The following ATP9B variants were observed in gnomAD, a reference collection of about 807,000 sequenced individuals.
ATP9B encodes ATPase phospholipid transporting 9B.
In ATP9B, 110 loss-of-function variants were observed where a neutral mutation model predicts 146.1. That is an observed-to-expected ratio of 0.75 (90% CI 0.65 to 0.88). ATP9B has a LOEUF of 0.88. Among genes scored for constraint, ATP9B ranks in the 40% least tolerant of loss-of-function variants. The pLI is 0.00. For synonymous variants in ATP9B, 604 were observed against 569.7 expected (o/e 1.06, Z -0.86); for missense variants, 1,499 against 1,496.4 (o/e 1.00, Z -0.03).
chr18:79,363,404 G>A (rs1280830753), intron 26 of ATP9B: 1 of 152,198 alleles, frequency 6.6e-6, no homozygotes, highest in Non-Finnish European at 1.5e-5. Flanking sequence ...AGATGTTCCT[G>A]GAATGGGAGG....
In ATP9B at chr18:79,342,366, G is replaced by GGTAA. The variant is rs1183370336; in HGVS notation, c.2382+4_2382+7dup. Reference sequence around the variant, plus strand: ...CACAAGATATTCATATTTTCAGACAGGTAAGTATGTATCTTAATCACTTTG... The same window carrying GGTAA: ...CACAAGATATTCATATTTTCAGACAGGTAAGTAAGTATGTATCTTAATCACTTTG... On this transcript the variant is annotated frameshift_variant and splice_region_variant. Coordinates refer to ENST00000426216, the MANE Select transcript of ATP9B (RefSeq NM_198531.5). LOFTEE classifies it high-confidence loss of function. The GGTAA allele has an allele frequency of 6.2e-7, 1 of 1,602,494 alleles. No homozygotes were observed. The highest frequency in any genetic ancestry group is 1.3e-5 in the African/African-American group (1 of 74,676).
intron 9 of ATP9B, among the ~76,000 whole-genome samples, chr18:79,200,828 G>T (rs1253515252): frequency 4.5e-4 from 3 of 6,708 alleles, no homozygotes; most frequent in African/African-American, 2.1e-3. Context: ...TGGGGCCCTG[G>T]ATTTCCAGGC....
rs1388925031 is a variant in ATP9B at position 79,239,550 on chromosome 18, A to G, written c.1108-13831A>G. On this transcript the variant is annotated intron_variant, in intron 11 of 29. Coordinates refer to ENST00000426216, the MANE Select transcript of ATP9B (RefSeq NM_198531.5). The surrounding 1 kb of genome is among the most constrained non-coding windows in gnomAD (Gnocchi z 5.1). ...TGTCTTCAGAGGATGATTTCCTTCA[A>G]CCTGGAGTCATTGTGCCGCCATTGT... Among the ~76,000 whole-genome samples, 5 of 152,102 alleles carry G rather than the reference A, an allele frequency of 3.3e-5. No individual in the cohort carries two copies. Among genetic ancestry groups the G allele is most frequent in the Admixed American group, 6.5e-5 (1 of 15,276 alleles).
intron 7 of ATP9B, among the ~76,000 whole-genome samples, chr18:79,160,625 A>G (rs1299260746): frequency 1.3e-5 from 2 of 152,252 alleles, no homozygotes; most frequent in Non-Finnish European, 2.9e-5. Flanking sequence ...AATTATGAAC[A>G]AAGTCAAGCA....
chr18:79,131,837 T>C (rs1375885671), intron 5 of ATP9B, among the ~76,000 whole-genome samples: 5 of 152,222 alleles, frequency 3.3e-5, no homozygotes, highest in African/African-American at 1.2e-4. Flanking sequence ...AACATTATGC[T>C]ATGTGGAAGA....
intron 8 of ATP9B, among the ~76,000 whole-genome samples, chr18:79,178,278 C>G (rs1355299342): frequency 6.6e-6 from 1 of 152,194 alleles, no homozygotes; most frequent in Non-Finnish European, 1.5e-5. Context: ...CCCGGTTTCT[C>G]TGTGTCCTTG....
At chr18:79,117,455 A>G (rs1314927446) in intron 4 of ATP9B, 1 of 152,318 alleles carries the variant, frequency 6.6e-6, no homozygotes, top group Non-Finnish European at 1.5e-5. Flanking sequence ...TTGGAATGAC[A>G]TCTTACTGGT....
chr18:79,126,043 G>A (rs1375147858), intron 4 of ATP9B, among the ~76,000 whole-genome samples: 1 of 152,122 alleles, frequency 6.6e-6, no homozygotes, highest in Non-Finnish European at 1.5e-5. Flanking sequence ...GTATCTATTA[G>A]GAGGTGAATT....
At chr18:79,369,950 T>C (rs1033503193) in intron 26 of ATP9B, among the ~76,000 whole-genome samples, 2 of 152,014 alleles carry the variant, frequency 1.3e-5, no homozygotes, top group African/African-American at 4.8e-5. Context: ...AGTACAAAAA[T>C]TAGCAGGGTG....
chr18:79,332,200 C>T (rs149091941), intron 17 of ATP9B, among the ~76,000 whole-genome samples: 9,176 of 152,260 alleles, frequency 0.06, 507 homozygotes, highest in African/African-American at 0.15. Flanking sequence ...GAGGCCAAGG[C>T]GGGCAGATCA....
intron 5 of ATP9B, among the ~76,000 whole-genome samples, chr18:79,129,217 G>A (rs1174726270): frequency 1.3e-5 from 2 of 152,136 alleles, no homozygotes; most frequent in Non-Finnish European, 2.9e-5. Flanking sequence ...AGTGTCAAAT[G>A]CCAGGCAGAA....
chr18:79,218,341 C>T (rs896526453), intron 11 of ATP9B, among the ~76,000 whole-genome samples: 1 of 147,074 alleles, frequency 6.8e-6, no homozygotes, highest in Non-Finnish European at 1.5e-5. Flanking sequence ...CAGGTCTGGC[C>T]AGGCTGGCAG....
chr18:79,299,478 A>G (rs1287766595), intron 13 of ATP9B, among the ~76,000 whole-genome samples: 2 of 152,176 alleles, frequency 1.3e-5, no homozygotes, highest in Non-Finnish European at 2.9e-5. Flanking sequence ...CACTCCTGGG[A>G]GCAGTCCCTG....
chr18:79,282,386 T>C (rs567644782), intron 13 of ATP9B, among the ~76,000 whole-genome samples: 1 of 152,314 alleles, frequency 6.6e-6, no homozygotes, highest in South Asian at 2.1e-4. Flanking sequence ...AGTCAGTTTA[T>C]GTGGCAGACT....
At chr18:79,234,682 G>C (rs1411116581) in intron 11 of ATP9B, among the ~76,000 whole-genome samples, 1 of 151,590 alleles carries the variant, frequency 6.6e-6, no homozygotes, top group Non-Finnish European at 1.5e-5. Flanking sequence ...TGGGTGTGCT[G>C]CTGTGGGTGT....
intron 28 of ATP9B, 64 bp downstream of exon 28, chr18:79,374,165 T>C (rs760814040): frequency 1.2e-5 from 18 of 1,526,272 alleles, no homozygotes; most frequent in Non-Finnish European, 1.5e-5. Flanking sequence ...TATTTTCTTA[T>C]TGTTGCTTCT....
intron 26 of ATP9B, among the ~76,000 whole-genome samples, chr18:79,368,993 C>G (rs2097052516): frequency 6.6e-6 from 1 of 151,928 alleles, no homozygotes; most frequent in Non-Finnish European, 1.5e-5. Context: ...CCTTCCCTCT[C>G]TGTTTGGAGG....
At chr18:79,094,832 A>G (rs2074652298) in intron 1 of ATP9B, among the ~76,000 whole-genome samples, 1 of 152,200 alleles carries the variant, frequency 6.6e-6, no homozygotes, top group South Asian at 2.1e-4. Flanking sequence ...GGAGGTCTGA[A>G]AGGAGGAAGA....
At chr18:79,071,895 T>G (rs1260458728) in intron 1 of ATP9B, among the ~76,000 whole-genome samples, 4 of 150,986 alleles carry the variant, frequency 2.6e-5, no homozygotes, top group African/African-American at 7.3e-5. Flanking sequence ...TTTTGTTTTT[T>G]TTTTTTTTTT....
Sources: allele counts gnomAD v4.1 joint callset (sites outside exome capture counted in the v4.1 genomes callset), GRCh38; gene constraint gnomAD v4.1.1; non-coding constraint Gnocchi (gnomAD v3.1); transcripts MANE v1.5; gene names NCBI Gene and HGNC (gene_info 2026-07-23, HGNC 2026-07-21).